PTBP3: variants seen among roughly 807,000 people sequenced by gnomAD.
The protein encoded by PTBP3 is polypyrimidine tract binding protein 3.
Under a neutral mutation model 58.7 loss-of-function variants are expected in PTBP3, and 20 were observed. The ratio of observed to expected loss-of-function variants is 0.34; its 90% CI spans 0.24 to 0.50. The LOEUF (loss-of-function observed/expected upper bound fraction) is 0.50, where lower values mean the gene tolerates loss of function less well. Among genes scored for constraint, PTBP3 ranks in the 20% least tolerant of loss-of-function variants. The probability of loss-of-function intolerance (pLI) is 0.98; values close to 1 mark genes in which losing one functional copy is unlikely to be tolerated. For synonymous variants in PTBP3, 185 were observed against 219.8 expected, an observed-to-expected ratio of 0.84 and a Z score of 1.40; for missense variants, 509 against 637.2, an observed-to-expected ratio of 0.80 and a Z score of 2.17.
intron 5 of PTBP3, among the ~76,000 whole-genome samples, chr9:112,255,463 T>C (rs1836307888): frequency 6.6e-6 from 1 of 152,150 alleles, no homozygotes; most frequent in African/African-American, 2.4e-5. Context: ...TTTCTCTCAA[T>C]AAAGGAGTAA....
the PTBP3 span, among the ~76,000 whole-genome samples, chr9:112,374,456 T>C: frequency 1.3e-5 from 2 of 152,170 alleles, no homozygotes; most frequent in East Asian, 3.8e-4. Context: ...ATCCTGGCTA[T>C]GGGAGAAACA....
At position 112,275,919 on chromosome 9, in the gene PTBP3, G is replaced by A. The variant is rs35385018; in HGVS notation, c.129C>T (p.Thr43=). Residue 43 remains threonine, a synonymous_variant, in exon 3 of 14, where the codon ACC becomes ACT. Transcript: ENST00000374257. The stretch of plus-strand genomic sequence containing the variant: ...GACCTAATGATATGATCTCTGCTTC[G>A]GTGACATCACATGGAATTTTTCGAA... ...LHLRKIPCDV[T]EAEIISLGLP... is the part of the protein sequence containing the mutation. 3.3e-4 allele frequency: 525 copies of A among 1,613,634 alleles called. 1 individual carries two copies. In the African/African-American group the frequency reaches 6.2e-3, roughly 19 times the overall value.
rs58071863 is a variant in PTBP3, at chr9:112,308,351, TAAAAA to T, written c.-51-10440_-51-10436del. On this transcript the variant is annotated intron_variant, in intron 1 of 13. Transcript: ENST00000374257. ...CAATGTTAAACCTACTCCTTTTATTTAAAAAAAAAAAAAAAAAAAAAAAAAAAAAA... is the reference window on the plus strand; with the variant it reads ...CAATGTTAAACCTACTCCTTTTATTTAAAAAAAAAAAAAAAAAAAAAAAAA... 9.4e-3 allele frequency among the ~76,000 whole-genome samples: 1,267 copies of T among 135,106 alleles called. 31 individuals are homozygous for T. Among genetic ancestry groups the T allele is most frequent in the African/African-American group, 0.031 (1,138 of 37,142 alleles). 88.6% of individuals were successfully genotyped at this position (135,106 alleles called of 152,430 possible).
rs938306601 is a variant in PTBP3 at position 112,221,603 on chromosome 9, A to G, written c.*2248T>C. On this transcript the variant is annotated 3_prime_UTR_variant, in exon 14 of 14. Transcript: ENST00000374257. ...AAGAAATTTTTTTCCTCCTTCATATACCCCTTGTGTCTAGGTCAAAACTTA... is the reference window on the plus strand; with the variant it reads ...AAGAAATTTTTTTCCTCCTTCATATGCCCCTTGTGTCTAGGTCAAAACTTA... The G allele has an allele frequency of 1.0e-6, 1 of 985,302 alleles. No individual in the cohort carries two copies. The highest frequency in any genetic ancestry group is 1.2e-6 in the Non-Finnish European group (1 of 829,908). 61.0% of individuals were successfully genotyped at this position (985,302 alleles called of 1,614,324 possible). A position where few individuals can be genotyped will look rare whatever the true frequency, so the allele number is the denominator to read the frequency against.
At chr9:112,261,448 A>C (rs551577756) in intron 5 of PTBP3, among the ~76,000 whole-genome samples, 1 of 152,344 alleles carries the variant, frequency 6.6e-6, no homozygotes, top group African/African-American at 2.4e-5. Context: ...TATTCGTAAA[A>C]TGTGAGCCTA....
chr9:112,256,071 T>C (rs979670461), intron 5 of PTBP3, among the ~76,000 whole-genome samples: 11 of 151,956 alleles, frequency 7.2e-5, no homozygotes, highest in Admixed American at 6.6e-4. Context: ...GTGGCCAACA[T>C]GGTGAAACCC....
At chr9:112,267,229 G>C (rs1326973268) in intron 4 of PTBP3, among the ~76,000 whole-genome samples, 2 of 149,940 alleles carry the variant, frequency 1.3e-5, no homozygotes, top group Non-Finnish European at 3.0e-5. Flanking sequence ...GCAGTGGCAC[G>C]GTCTCGGCTC....
the PTBP3 span, among the ~76,000 whole-genome samples, chr9:112,369,628 G>A: frequency 6.6e-6 from 1 of 152,216 alleles, no homozygotes; most frequent in Non-Finnish European, 1.5e-5. Context: ...ATAGGTGGAA[G>A]AGGCTTGCCT....
At position 112,320,722 on chromosome 9, in the gene PTBP3, T is replaced by C. The variant is rs528360906; in HGVS notation, c.-52+12748A>G. ...TAGATCAAGGGATAAGAATACAGTA[T>C]ACAGAAACAGACCCACTTACGTATG... On this transcript the variant is annotated intron_variant, in intron 1 of 13. Transcript: ENST00000374257. 4.7e-4 allele frequency among the ~76,000 whole-genome samples: 72 copies of C among 152,268 alleles called. 1 individual carries two copies. The highest frequency in any genetic ancestry group is 1.7e-3 in the African/African-American group (71 of 41,548).
intron 1 of PTBP3, among the ~76,000 whole-genome samples, chr9:112,327,893 T>C (rs1042378446): frequency 6.6e-6 from 1 of 151,822 alleles, no homozygotes; most frequent in African/African-American, 2.4e-5. Context: ...ATTCATTCAC[T>C]CATCAAGTAT....
the PTBP3 span, among the ~76,000 whole-genome samples, chr9:112,356,895 T>TTTC: frequency 6.7e-6 from 1 of 148,324 alleles, no homozygotes; most frequent in Non-Finnish European, 1.5e-5. Flanking sequence ...TTTTTTTTTT[T>TTTC]TGAGACAGAG....
intron 2 of PTBP3, among the ~76,000 whole-genome samples, chr9:112,296,536 C>T (rs763758522): frequency 1.6e-4 from 25 of 152,014 alleles, no homozygotes; most frequent in Non-Finnish European, 3.1e-4. Flanking sequence ...TCCATTCATC[C>T]CCACCTCCCT....
intron 2 of PTBP3, among the ~76,000 whole-genome samples, chr9:112,291,253 T>C (rs1241246964): frequency 6.6e-6 from 1 of 151,478 alleles, no homozygotes; most frequent in African/African-American, 2.4e-5. Flanking sequence ...AACACATCCA[T>C]GTTCATGGAT....
At chr9:112,227,062 T>C (rs1564386899) in intron 12 of PTBP3, among the ~76,000 whole-genome samples, 1 of 152,224 alleles carries the variant, frequency 6.6e-6, no homozygotes, top group Non-Finnish European at 1.5e-5. Context: ...AATTTGATTT[T>C]GTCATATTGG....
intron 4 of PTBP3, among the ~76,000 whole-genome samples, chr9:112,267,163 ACTTT>A (rs1367754611): frequency 3.5e-5 from 5 of 143,730 alleles, no homozygotes; most frequent in African/African-American, 7.9e-5. Flanking sequence ...AAAAAAACCC[ACTTT>A]CTTTTTTTTT....
At position 112,223,143 on chromosome 9, in the gene PTBP3, G is replaced by T; in HGVS notation, c.*708C>A. ...TCTGACATCTTATTAACAGATCTTAGTTGAATTCCACTTAATTTCCCTGGG... is the reference window on the plus strand; with the variant it reads ...TCTGACATCTTATTAACAGATCTTATTTGAATTCCACTTAATTTCCCTGGG... On this transcript the variant is annotated 3_prime_UTR_variant, in exon 14 of 14. Transcript: ENST00000374257. 1 of 891,494 alleles carries T rather than the reference G, an allele frequency of 1.1e-6. No individual in the cohort carries two copies. The highest frequency in any genetic ancestry group is 1.3e-6 in the Non-Finnish European group (1 of 744,314). 55.2% of individuals were successfully genotyped at this position (891,494 alleles called of 1,614,324 possible). A position where few individuals can be genotyped will look rare whatever the true frequency, so the allele number is the denominator to read the frequency against.
chr9:112,333,070 C>G lies in PTBP3; in HGVS notation c.-52+400G>C, dbSNP rs1054753496. ...CCCCGGCAGGAGGACGCCCGCCCCGCGCGCCGCCTCCGCCTCCCCCAGCGC... is the reference window on the plus strand; with the variant it reads ...CCCCGGCAGGAGGACGCCCGCCCCGGGCGCCGCCTCCGCCTCCCCCAGCGC... On this transcript the variant is annotated intron_variant, in intron 1 of 13. Transcript: ENST00000374257. The G allele has an allele frequency of 2.4e-6, 3 of 1,269,140 alleles. No individual in the cohort carries two copies. The African/African-American group carries it at 4.7e-5, about 20-fold the overall frequency. The allele number at this position is 1,269,140 out of a possible 1,614,324, so 78.6% of individuals were successfully genotyped here.
chr9:112,366,527 G>A, the PTBP3 span, among the ~76,000 whole-genome samples: 5 of 152,208 alleles, frequency 3.3e-5, no homozygotes, highest in African/African-American at 9.6e-5. Flanking sequence ...CATGGCTTCC[G>A]AGGGTTCAAA....
Position 112,222,271 on chromosome 9 carries a change from CATTATACA to C in PTBP3, c.*1572_*1579del. 1.0e-6 allele frequency: 1 copy of C among 971,042 alleles called. No individual in the cohort carries two copies. Among genetic ancestry groups the C allele is most frequent in the Non-Finnish European group, 1.2e-6 (1 of 816,450 alleles). The allele number at this position is 971,042 out of a possible 1,614,324, so 60.2% of individuals were successfully genotyped here. A position where few individuals can be genotyped will look rare whatever the true frequency, so the allele number is the denominator to read the frequency against. ...TTCTTATTAAAAAGAAACAATTTTA[CATTATACA>C]ATCACTGAAGCAACATTAAAATGTA... On this transcript the variant is annotated 3_prime_UTR_variant, in exon 14 of 14. Transcript: ENST00000374257.
Sources: gnomAD v4.1 joint callset for allele counts (sites outside exome capture counted in the v4.1 genomes callset) on GRCh38, gnomAD v4.1.1 for gene constraint, MANE v1.5 for transcripts, NCBI Gene and HGNC (gene_info 2026-07-23, HGNC 2026-07-21) for gene names.